The following KNDC1 variants were observed in gnomAD, a reference collection of about 807,000 sequenced individuals.
The protein encoded by KNDC1 is kinase non-catalytic C-lobe domain-containing protein 1.
Under a neutral mutation model 172.8 loss-of-function variants are expected in KNDC1, and 106 were observed. The ratio of observed to expected loss-of-function variants is 0.61; its 90% CI spans 0.52 to 0.72. KNDC1 has a LOEUF of 0.72. Among genes scored for constraint, KNDC1 ranks in the 30% least tolerant of loss-of-function variants. The pLI is 0.00. For missense variants in KNDC1, 2,325 were observed against 2,394.5 expected (o/e 0.97, Z 0.61); for synonymous variants, 1,083 against 1,062.2 (o/e 1.02, Z -0.38).
At chr10:133,160,665 C>A in intron 1 of KNDC1, 96 bp downstream of exon 1, 1 of 737,028 alleles carries the variant, frequency 1.4e-6, no homozygotes, top group Non-Finnish European at 2.1e-6. Flanking sequence ...TGAGCTCCCG[C>A]CTCCCCAGGC....
Position 133,218,826 on chromosome 10 carries a change from T to A in KNDC1, c.4678-5T>A, listed in dbSNP as rs755104883. ...GACGCTGAATGTGTCATTTTCTTAT[T>A]GCAGCTGCAGGTGAACTTGCTGTCC... On this transcript the variant is annotated splice_region_variant and splice_polypyrimidine_tract_variant and intron_variant, in intron 26 of 29. Transcript: ENST00000304613. 1 of 1,609,950 alleles carries A rather than the reference T, an allele frequency of 6.2e-7. No homozygotes were observed. Among genetic ancestry groups the A allele is most frequent in the Non-Finnish European group, 8.5e-7 (1 of 1,176,684 alleles).
chr10:133,197,780 ACCAGCCC>A lies in KNDC1; in HGVS notation c.1906+14_1906+20del, dbSNP rs765281118. 4 of 1,594,786 alleles carry A rather than the reference ACCAGCCC, an allele frequency of 2.5e-6. No individual in the cohort carries two copies. In the African/African-American group the frequency reaches 5.4e-5, roughly 21 times the overall value. The stretch of plus-strand genomic sequence containing the variant: ...AGAGCCCAGCCCAGGTGGGGACCTG[ACCAGCCC>A]CTGCTGCCCCACCAGCTCCTGCACC... On this transcript the variant is annotated intron_variant, in intron 12 of 29. Transcript: ENST00000304613.
In KNDC1 at chr10:133,225,298, T is replaced by G; in HGVS notation, c.*408T>G. ...CCAACTCAACAAACTTCAGAGTAGC[T>G]CCTCCCTGAGCAGGTTTCTGAGCCA... On this transcript the variant is annotated 3_prime_UTR_variant, in exon 30 of 30. Coordinates refer to ENST00000304613, the MANE Select transcript of KNDC1 (RefSeq NM_152643.8). The G allele has an allele frequency of 9.1e-6, 2 of 219,852 alleles. No homozygotes were observed. The highest frequency in any genetic ancestry group is 9.1e-6 in the Non-Finnish European group (1 of 109,654). The allele number at this position is 219,852 out of a possible 1,614,324, so 13.6% of individuals were successfully genotyped here.
intron 3 of KNDC1, among the ~76,000 whole-genome samples, chr10:133,170,164 G>A (rs1048163525): frequency 5.9e-5 from 9 of 152,228 alleles, no homozygotes; most frequent in South Asian, 2.1e-4. Flanking sequence ...TGAGGGGTGC[G>A]CAGGTGTTTC....
At chr10:133,173,854 C>G (rs141498940) in intron 3 of KNDC1, 5 of 152,340 alleles carry the variant, frequency 3.3e-5, no homozygotes, top group African/African-American at 9.6e-5. Flanking sequence ...AGCATTTATT[C>G]CCAACAGTCG....
In KNDC1 at chr10:133,160,439, C is replaced by G. The variant is rs1230941088; in HGVS notation, c.-29C>G. On this transcript the variant is annotated 5_prime_UTR_variant, in exon 1 of 30. Coordinates refer to ENST00000304613, the MANE Select transcript of KNDC1 (RefSeq NM_152643.8). The stretch of plus-strand genomic sequence containing the variant: ...GCCCAGCCCAGCCCAGCCGGAGGCC[C>G]CGGGGGCGGTGCGCGGCGCGGCCGC... 1.4e-6 allele frequency: 2 copies of G among 1,466,030 alleles called. No individual in the cohort carries two copies. The highest frequency in any genetic ancestry group is 1.3e-5 in the South Asian group (1 of 77,162). The allele number at this position is 1,466,030 out of a possible 1,614,324, so 90.8% of individuals were successfully genotyped here. A position where few individuals can be genotyped will look rare whatever the true frequency, so the allele number is the denominator to read the frequency against.
At position 133,160,529 on chromosome 10, in the gene KNDC1, T is replaced by G. The variant is rs773433898; in HGVS notation, c.62T>G (p.Phe21Cys). ...LYEEDGKDLD[F>C]YDFEPLPTLP... ...GAGGAGGACGGCAAAGACCTGGACT[T>G]CTACGACTTCGAGCCGCTGCCCACC... is the stretch of plus-strand genomic sequence containing the variant. The change falls in exon 1 of 30, where the codon TTC becomes TGC. Residue 21 changes from phenylalanine to cysteine, a missense_variant. Coordinates refer to ENST00000304613, the MANE Select transcript of KNDC1 (RefSeq NM_152643.8). 1 of 1,588,706 alleles carries G rather than the reference T, an allele frequency of 6.3e-7. No individual in the cohort carries two copies. Among genetic ancestry groups the G allele is most frequent in the Non-Finnish European group, 8.6e-7 (1 of 1,169,508 alleles).
Position 133,209,425 on chromosome 10 carries a change from AGTGT to A in KNDC1, c.3795-1178_3795-1175del, listed in dbSNP as rs142395560. 2.7e-5 allele frequency among the ~76,000 whole-genome samples: 4 copies of A among 146,490 alleles called. No homozygotes were observed. The highest frequency in any genetic ancestry group is 4.1e-4 in the East Asian group (2 of 4,894). On this transcript the variant is annotated intron_variant, in intron 20 of 29. Transcript: ENST00000304613. The surrounding 1 kb of genome is among the most constrained non-coding windows in gnomAD (Gnocchi z 4.9). Reference sequence around the variant, plus strand: ...GTGATCTGTGGTGTGTGGCGGGTATAGTGTGTGTGTGCACGTATGTGTGGTGTGG... The same window carrying A: ...GTGATCTGTGGTGTGTGGCGGGTATAGTGTGTGCACGTATGTGTGGTGTGG...
chr10:133,176,541 G>A (rs996863862), intron 3 of KNDC1, among the ~76,000 whole-genome samples: 2 of 152,074 alleles, frequency 1.3e-5, no homozygotes, highest in African/African-American at 2.4e-5. Context: ...CTGGATGCTC[G>A]GCCGGGTTTT....
At chr10:133,197,873 C>A in intron 12 of KNDC1, 105 bp downstream of exon 12, 1 of 956,744 alleles carries the variant, frequency 1.0e-6, no homozygotes, top group Non-Finnish European at 1.7e-6. Context: ...TCTCGGAAAC[C>A]CGGGAAGCAA....
chr10:133,224,591 A>G lies in KNDC1; in HGVS notation c.5019-68A>G. On this transcript the variant is annotated intron_variant, in intron 29 of 29. Transcript: ENST00000304613. The surrounding 1 kb of genome is among the most constrained non-coding windows in gnomAD (Gnocchi z 5.4). Reference sequence around the variant, plus strand: ...AAATGATTCCTAAGAACGCGGGGGGACTCCCTCCCCACGGAAGCCGCGCCC... The same window carrying G: ...AAATGATTCCTAAGAACGCGGGGGGGCTCCCTCCCCACGGAAGCCGCGCCC... 1 of 1,092,432 alleles carries G rather than the reference A, an allele frequency of 9.2e-7. No homozygotes were observed. The highest frequency in any genetic ancestry group is 1.4e-6 in the Non-Finnish European group (1 of 738,262). 67.7% of individuals were successfully genotyped at this position (1,092,432 alleles called of 1,614,324 possible).
Position 133,212,858 on chromosome 10 carries a change from G to A in KNDC1, c.4379G>A (p.Gly1460Glu), listed in dbSNP as rs746713275. The A allele has an allele frequency of 1.9e-6, 3 of 1,613,982 alleles. No individual in the cohort carries two copies. In the South Asian group the frequency reaches 3.3e-5, roughly 18 times the overall value. ...YGPCAKTSEK[G>E]PYFLTEYSTH... ...CCCTGCGCCAAGACCAGTGAGAAGGGGCCCTACTTCCTGACGGAGTACAGC... is the reference window on the plus strand; with the variant it reads ...CCCTGCGCCAAGACCAGTGAGAAGGAGCCCTACTTCCTGACGGAGTACAGC... The change falls in exon 24 of 30, where the codon GGG (glycine) becomes GAG (glutamate). Residue 1460 changes from glycine to glutamate, a missense_variant. By Grantham distance (98) the Gly-to-Glu change is moderately conservative (BLOSUM62 -2). Transcript: ENST00000304613.
At chr10:133,214,736 C>G (rs1845441212) in intron 26 of KNDC1, among the ~76,000 whole-genome samples, 1 of 152,254 alleles carries the variant, frequency 6.6e-6, no homozygotes, top group African/African-American at 2.4e-5. Context: ...CAAGGTCAAG[C>G]TCCAGCGCCG....
rs199867823 is a variant in KNDC1 at position 133,207,266 on chromosome 10, G to C, written c.3709G>C (p.Val1237Leu). 8.1e-6 allele frequency: 13 copies of C among 1,612,978 alleles called. No individual in the cohort carries two copies. The highest frequency in any genetic ancestry group is 1.1e-5 in the Non-Finnish European group (13 of 1,179,988). Reference sequence around the variant, plus strand: ...GTCCTCCTCGCTCATCTTCTACAACGTCAACAAGCACCCGGGCGGCCGGCA... The same window carrying C: ...GTCCTCCTCGCTCATCTTCTACAACCTCAACAAGCACCCGGGCGGCCGGCA... ...DESSSLIFYNVNKHPGGRQKA... is the reference protein window; with the variant it reads ...DESSSLIFYNLNKHPGGRQKA... The change falls in exon 20 of 30, where the codon GTC (valine) becomes CTC (leucine). Residue 1237 changes from valine to leucine, a missense_variant. Val to Leu is a conservative substitution (Grantham distance 32). Transcript: ENST00000304613.
intron 5 of KNDC1, among the ~76,000 whole-genome samples, chr10:133,184,527 TCA>T (rs796067057): frequency 8.5e-5 from 13 of 152,222 alleles, no homozygotes; most frequent in African/African-American, 2.9e-4. Context: ...TTGCTCACAG[TCA>T]CACACATGAA....
rs1223071306 is a variant in KNDC1 at position 133,183,922 on chromosome 10, C to T, written c.558C>T (p.Arg186=). The T allele has an allele frequency of 5.0e-6, 8 of 1,604,046 alleles. No individual in the cohort carries two copies. The highest frequency in any genetic ancestry group is 1.3e-5 in the African/African-American group (1 of 74,788). Residue 186 remains arginine (R), a synonymous_variant, in exon 5 of 30, where the codon CGC becomes CGT. Coordinates refer to ENST00000304613, the MANE Select transcript of KNDC1 (RefSeq NM_152643.8). ...AGCTGCAGCTCACATCCTCCTGTCG[C>T]GTGTGCCGGAGCCTCTCTGCTGTGG... ...EEKLQLTSSC[R]VCRSLSAVGR... is the part of the protein sequence containing the mutation.
chr10:133,197,819 C>T, intron 12 of KNDC1, 51 bp downstream of exon 12: 2 of 1,309,060 alleles, frequency 1.5e-6, no homozygotes, highest in Non-Finnish European at 2.2e-6. Flanking sequence ...CACCTGACAC[C>T]ACAGCTGCCC....
At chr10:133,213,573 C>G (rs772332715) in intron 24 of KNDC1, 72 bp from the exon 25 acceptor site, 1 of 1,387,314 alleles carries the variant, frequency 7.2e-7, no homozygotes. Flanking sequence ...CCCACCCTCC[C>G]TGGGACCCTG....
rs529913583 is a variant in KNDC1 at position 133,186,515 on chromosome 10, G to A, written c.1167G>A (p.Val389=). Residue 389 remains valine (V), a synonymous_variant, in exon 6 of 30, where the codon GTG becomes GTA. Transcript: ENST00000304613. The stretch of plus-strand genomic sequence containing the variant: ...GCAGCACGGACAGGGGCCCTGGGGT[G>A]CCCGGCAGTCCAGGACAGCCCGAGA... ...AGRSTDRGPG[V]PGSPGQPETS... 458 of 1,612,272 alleles carry A rather than the reference G, an allele frequency of 2.8e-4. 8 individuals are homozygous for A. In the South Asian group the frequency reaches 4.8e-3, roughly 17 times the overall value.
Sources: allele counts gnomAD v4.1 joint callset (sites outside exome capture counted in the v4.1 genomes callset), GRCh38; gene constraint gnomAD v4.1.1; non-coding constraint Gnocchi (gnomAD v3.1); transcripts MANE v1.5; gene names NCBI Gene and HGNC (gene_info 2026-07-23, HGNC 2026-07-21).